The following PTER variants were observed in gnomAD, a reference collection of about 807,000 sequenced individuals.
PTER encodes the protein N-acetyltaurine hydrolase.
Under a neutral mutation model 29.6 loss-of-function variants are expected in PTER, and 38 were observed. That is an observed-to-expected ratio of 1.28 (90% CI 0.99 to 1.68). The LOEUF is 1.68. Among genes scored for constraint, PTER ranks in the 40% most tolerant of loss-of-function variants. The probability of loss-of-function intolerance (pLI) is 0.00; values close to 1 mark genes in which losing one functional copy is unlikely to be tolerated. For missense variants in PTER, 482 were observed against 427.8 expected (o/e 1.13, Z -1.12); for synonymous variants, 172 against 154.5 (o/e 1.11, Z -0.84).
At chr10:16,465,447 CT>C (rs1834774520) in intron 1 of PTER, among the ~76,000 whole-genome samples, 1 of 152,158 alleles carries the variant, frequency 6.6e-6, no homozygotes, top group Non-Finnish European at 1.5e-5. Context: ...TTCCTATGCC[CT>C]GAGAACTTAA....
chr10:16,514,205 C>CATATAT (rs34471233), downstream of PTER: 1 of 416,164 alleles, frequency 2.4e-6, no homozygotes, highest in Non-Finnish European at 4.2e-6. Context: ...ACCAAAGTAT[C>CATATAT]ATATATATAG....
At chr10:16,509,020 C>G (rs1281932493) in intron 4 of PTER, among the ~76,000 whole-genome samples, 2 of 152,232 alleles carry the variant, frequency 1.3e-5, no homozygotes, top group African/African-American at 4.8e-5. Context: ...CTCCATTTCT[C>G]AAATCTTATT....
chr10:16,484,151 C>A (rs892778044), intron 1 of PTER, among the ~76,000 whole-genome samples, 186 bp from the exon 2 acceptor site: 1 of 152,118 alleles, frequency 6.6e-6, no homozygotes, highest in Non-Finnish European at 1.5e-5. Flanking sequence ...ACACCACGCA[C>A]GTCACTTAGA....
At chr10:16,455,924 T>C (rs1219797612) in intron 1 of PTER, among the ~76,000 whole-genome samples, 1 of 152,198 alleles carries the variant, frequency 6.6e-6, no homozygotes, top group African/African-American at 2.4e-5. Context: ...CTTAGTGTGT[T>C]CCAATTTAAA....
intron 1 of PTER, among the ~76,000 whole-genome samples, chr10:16,467,446 T>TA (rs1307240985): frequency 1.3e-5 from 2 of 151,984 alleles, no homozygotes; most frequent in South Asian, 2.1e-4. Context: ...AAGGGAAAGT[T>TA]AAAAAAACAA....
At chr10:16,466,789 T>C (rs556094417) in intron 1 of PTER, among the ~76,000 whole-genome samples, 2 of 152,350 alleles carry the variant, frequency 1.3e-5, no homozygotes, top group African/African-American at 4.8e-5. Flanking sequence ...ACTGTATTGT[T>C]ATTTGTGCAA....
intron 1 of PTER, among the ~76,000 whole-genome samples, chr10:16,464,055 A>G (rs943774712): frequency 6.6e-6 from 1 of 152,154 alleles, no homozygotes; most frequent in Non-Finnish European, 1.5e-5. Context: ...ACATTAGGAG[A>G]TTTAATTAAA....
At position 16,475,221 on chromosome 10, in the gene PTER, A is replaced by G. The variant is rs530187085; in HGVS notation, c.-48-9116A>G. 2.0e-5 allele frequency among the ~76,000 whole-genome samples: 3 copies of G among 152,270 alleles called. No homozygotes were observed. In the South Asian group the frequency reaches 6.2e-4, roughly 32 times the overall value. On this transcript the variant is annotated intron_variant, in intron 1 of 4. Coordinates refer to ENST00000535784, the MANE Select transcript of PTER (RefSeq NM_001261836.2). ...ACCATCCCTAAGCCAGAGGTTACAAACAACCACCATTTTATTGTCCCTCAT... is the reference window on the plus strand; with the variant it reads ...ACCATCCCTAAGCCAGAGGTTACAAGCAACCACCATTTTATTGTCCCTCAT...
intron 3 of PTER, 34 bp downstream of exon 3, chr10:16,486,651 G>T (rs1216497378): frequency 6.3e-7 from 1 of 1,576,218 alleles, no homozygotes; most frequent in South Asian, 1.2e-5. Context: ...GATGCAAACT[G>T]CCATATAATT....
intron 1 of PTER, among the ~76,000 whole-genome samples, chr10:16,482,843 G>A (rs1037078496): frequency 1.1e-4 from 17 of 151,932 alleles, no homozygotes; most frequent in Admixed American, 2.0e-4. Flanking sequence ...GTGCAGTGGC[G>A]CGATCTCGGC....
intron 3 of PTER, among the ~76,000 whole-genome samples, chr10:16,500,482 G>A (rs1299559653): frequency 6.6e-6 from 1 of 151,862 alleles, no homozygotes; most frequent in Non-Finnish European, 1.5e-5. Context: ...AAACTCCTGA[G>A]CTCAAGGGAT....
intron 1 of PTER, among the ~76,000 whole-genome samples, chr10:16,466,163 A>G (rs1301526300): frequency 6.6e-6 from 1 of 152,074 alleles, no homozygotes; most frequent in African/African-American, 2.4e-5. Context: ...TCTCCTTTTC[A>G]TCAATTATGG....
intron 2 of PTER, among the ~76,000 whole-genome samples, chr10:16,485,027 AAATAAT>A (rs889195537): frequency 1.3e-5 from 2 of 152,204 alleles, no homozygotes; most frequent in Admixed American, 6.5e-5. Context: ...AGAAAAAAGA[AAATAAT>A]AATAATAAGT....
chr10:16,447,712 C>T (rs1391463268), intron 1 of PTER, among the ~76,000 whole-genome samples: 2 of 152,062 alleles, frequency 1.3e-5, no homozygotes, highest in Non-Finnish European at 2.9e-5. Context: ...TTACACCATA[C>T]ATCGTATTTA....
At chr10:16,448,957 C>T (rs187045854) in intron 1 of PTER, among the ~76,000 whole-genome samples, 5 of 152,306 alleles carry the variant, frequency 3.3e-5, no homozygotes, top group Admixed American at 1.3e-4. Flanking sequence ...ACATCTGGTA[C>T]AGCAGCTGCA....
At chr10:16,442,356 T>G (rs1303518064) in intron 1 of PTER, among the ~76,000 whole-genome samples, 2 of 152,258 alleles carry the variant, frequency 1.3e-5, no homozygotes, top group Non-Finnish European at 2.9e-5. Flanking sequence ...TCAGTCTTGC[T>G]CTCTAACAGT....
At chr10:16,452,366 G>A (rs1298281422) in intron 1 of PTER, among the ~76,000 whole-genome samples, 1 of 150,428 alleles carries the variant, frequency 6.6e-6, no homozygotes, top group Non-Finnish European at 1.5e-5. Flanking sequence ...GCATGATCTC[G>A]GCTCATTGCA....
At chr10:16,496,069 CA>C (rs1437372490) in intron 3 of PTER, among the ~76,000 whole-genome samples, 1 of 152,176 alleles carries the variant, frequency 6.6e-6, no homozygotes, top group African/African-American at 2.4e-5. Context: ...TGGCTAATAA[CA>C]GCGCTATTTA....
intron 1 of PTER, 108 bp downstream of exon 1, chr10:16,437,155 C>G (rs1388027382): frequency 1.3e-5 from 2 of 152,222 alleles, no homozygotes; most frequent in African/African-American, 4.8e-5. Context: ...GAGCTCCACG[C>G]GAGGGTCCTG....
Sources: gnomAD v4.1 joint callset for allele counts (sites outside exome capture counted in the v4.1 genomes callset) on GRCh38, gnomAD v4.1.1 for gene constraint, MANE v1.5 for transcripts, NCBI Gene and HGNC (gene_info 2026-07-23, HGNC 2026-07-21) for gene names.